The following CDH13 variants were observed in gnomAD, a reference collection of about 807,000 sequenced individuals.
CDH13 encodes cadherin-13.
CDH13 carries 24 observed loss-of-function variants against 63.8 expected under a neutral mutation model. The ratio of observed to expected loss-of-function variants is 0.38; its 90% CI spans 0.27 to 0.53. CDH13 has a LOEUF of 0.53. CDH13 is among the 20% of genes least tolerant of loss of function. CDH13 has a pLI of 0.85. For missense variants in CDH13, 1,049 were observed against 903.1 expected (o/e 1.16, Z -2.07); for synonymous variants, 503 against 355.3 (o/e 1.42, Z -4.67).
intron 7 of CDH13, among the ~76,000 whole-genome samples, chr16:83,522,016 T>C (rs897958694): frequency 2.6e-5 from 4 of 152,172 alleles, no homozygotes; most frequent in African/African-American, 9.6e-5. Context: ...GATGAATCCA[T>C]CAGCTGTTAA....
At chr16:83,066,718 G>C (rs185649488) in intron 3 of CDH13, among the ~76,000 whole-genome samples, 2 of 152,294 alleles carry the variant, frequency 1.3e-5, no homozygotes, top group East Asian at 3.9e-4. Context: ...TTCTCGCCCG[G>C]TGTGAAGTCA....
intron 4 of CDH13, among the ~76,000 whole-genome samples, chr16:83,166,564 G>T (rs777598508): frequency 1.3e-5 from 2 of 152,072 alleles, no homozygotes; most frequent in Non-Finnish European, 1.5e-5. Context: ...AGCTTCCATT[G>T]ACATGCCATT....
intron 6 of CDH13, among the ~76,000 whole-genome samples, chr16:83,439,706 T>A (rs1229645974): frequency 6.6e-6 from 1 of 152,206 alleles, no homozygotes; most frequent in African/African-American, 2.4e-5. Flanking sequence ...TTGACTGTGG[T>A]CATAGAGTGG....
At chr16:83,581,720 G>T (rs771705704) in intron 7 of CDH13, among the ~76,000 whole-genome samples, 1 of 152,200 alleles carries the variant, frequency 6.6e-6, no homozygotes, top group Non-Finnish European at 1.5e-5. Context: ...TAGGGAGACT[G>T]AGGTGGGAGG....
At chr16:82,632,190 T>C (rs1252041250) in intron 1 of CDH13, among the ~76,000 whole-genome samples, 10 of 152,162 alleles carry the variant, frequency 6.6e-5, no homozygotes, top group Non-Finnish European at 2.9e-5. Context: ...CACTCTCTAC[T>C]ACCCAGCCTT....
At chr16:83,416,885 T>C (rs1012012231) in intron 6 of CDH13, among the ~76,000 whole-genome samples, 1 of 152,128 alleles carries the variant, frequency 6.6e-6, no homozygotes, top group Non-Finnish European at 1.5e-5. Context: ...CTTATAAAAT[T>C]ATTGAAATGG....
intron 4 of CDH13, among the ~76,000 whole-genome samples, chr16:83,198,050 A>AAAGGATTT (rs2038924376): frequency 1.3e-5 from 2 of 152,192 alleles, no homozygotes; most frequent in South Asian, 4.1e-4. Context: ...AAAAGACTAG[A>AAAGGATTT]AAGGATTTAT....
intron 5 of CDH13, among the ~76,000 whole-genome samples, chr16:83,289,105 G>C (rs1376368393): frequency 6.6e-6 from 1 of 152,194 alleles, no homozygotes; most frequent in African/African-American, 2.4e-5. Context: ...ATGGGCTATT[G>C]CTTGCTCCTG....
intron 6 of CDH13, among the ~76,000 whole-genome samples, chr16:83,479,657 C>CAA (rs34654257): frequency 3.7e-4 from 55 of 150,658 alleles, no homozygotes; most frequent in Non-Finnish European, 4.4e-4. Flanking sequence ...ACTCCGTCTC[C>CAA]AAAAAAAAAC....
At chr16:83,702,680 C>T (rs186917349) in intron 10 of CDH13, among the ~76,000 whole-genome samples, 1 of 152,182 alleles carries the variant, frequency 6.6e-6, no homozygotes, top group African/African-American at 2.4e-5. Context: ...AGGTCGGTGG[C>T]CATGTGCCTT....
intron 5 of CDH13, among the ~76,000 whole-genome samples, chr16:83,292,338 C>G (rs2089484990): frequency 6.6e-6 from 1 of 152,098 alleles, no homozygotes; most frequent in Non-Finnish European, 1.5e-5. Context: ...TTGCCTAGTT[C>G]TGGGCCTCCC....
intron 6 of CDH13, among the ~76,000 whole-genome samples, chr16:83,354,908 G>T (rs1305383656): frequency 6.6e-6 from 1 of 152,240 alleles, no homozygotes; most frequent in African/African-American, 2.4e-5. Flanking sequence ...GACTATGGCT[G>T]CTTTCGCACC....
intron 10 of CDH13, among the ~76,000 whole-genome samples, chr16:83,725,100 C>G (rs1910226537): frequency 6.6e-6 from 1 of 152,172 alleles, no homozygotes; most frequent in African/African-American, 2.4e-5. Context: ...ATGAAAGTGA[C>G]ATTTGAGGTG....
intron 1 of CDH13, among the ~76,000 whole-genome samples, chr16:82,726,591 C>T (rs1312727207): frequency 6.6e-6 from 1 of 152,176 alleles, no homozygotes; most frequent in Non-Finnish European, 1.5e-5. Context: ...ATTTCAAGCA[C>T]CGCTTGTTTC....
chr16:83,259,122 C>G (rs1906651543), intron 5 of CDH13, among the ~76,000 whole-genome samples: 1 of 152,150 alleles, frequency 6.6e-6, no homozygotes, highest in South Asian at 2.1e-4. Flanking sequence ...CCTCCTGCTG[C>G]TCATGGTGGA....
intron 1 of CDH13, among the ~76,000 whole-genome samples, chr16:82,803,226 G>C (rs1309766381): frequency 1.3e-5 from 2 of 152,208 alleles, no homozygotes; most frequent in African/African-American, 4.8e-5. Context: ...CATGGTGCTT[G>C]AATAGCACCA....
intron 1 of CDH13, chr16:82,824,514 G>C (rs759464498): frequency 2.0e-5 from 3 of 152,138 alleles, no homozygotes; most frequent in Non-Finnish European, 4.4e-5. Flanking sequence ...TATGACATTT[G>C]TATGTCCTGA....
At chr16:83,078,376 C>T (rs1216880757) in intron 3 of CDH13, among the ~76,000 whole-genome samples, 1 of 152,150 alleles carries the variant, frequency 6.6e-6, no homozygotes, top group Non-Finnish European at 1.5e-5. Flanking sequence ...AGTGTTCCAG[C>T]TCACATAATC....
At chr16:83,663,352 A>AT (rs1395150957) in intron 8 of CDH13, among the ~76,000 whole-genome samples, 1 of 152,142 alleles carries the variant, frequency 6.6e-6, no homozygotes, top group Non-Finnish European at 1.5e-5. Context: ...AACCGCTAAG[A>AT]TTTTCAGGAA....
Sources: allele counts gnomAD v4.1 joint callset (sites outside exome capture counted in the v4.1 genomes callset), GRCh38; gene constraint gnomAD v4.1.1; transcripts MANE v1.5; gene names NCBI Gene and HGNC (gene_info 2026-07-23, HGNC 2026-07-21).